Variants in MNAT1 observed in about 807,000 individuals in gnomAD.
MNAT1 encodes CDK-activating kinase assembly factor MAT1.
A neutral mutation model predicts 42.0 loss-of-function variants in MNAT1; 43 were observed. The observed-to-expected ratio is 1.02, with a 90% CI of 0.80 to 1.32. The LOEUF is 1.32. MNAT1 is among the 40% of genes most tolerant of loss of function. MNAT1 has a pLI of 0.00. For synonymous variants in MNAT1, 118 were observed against 120.0 expected (o/e 0.98, Z 0.11); for missense variants, 306 against 350.4 (o/e 0.87, Z 1.01).
At chr14:60,816,417 A>C (rs1246056381) in intron 5 of MNAT1, among the ~76,000 whole-genome samples, 1 of 152,094 alleles carries the variant, frequency 6.6e-6, no homozygotes, top group Non-Finnish European at 1.5e-5. Flanking sequence ...TATGTCTTAA[A>C]TTTTGTATGG....
intron 6 of MNAT1, among the ~76,000 whole-genome samples, chr14:60,874,385 C>T (rs925736484): frequency 1.3e-5 from 2 of 152,148 alleles, no homozygotes; most frequent in African/African-American, 2.4e-5. Context: ...CTGGTAATAT[C>T]GCTGTCCTCC....
chr14:60,811,428 G>A (rs556880854), intron 4 of MNAT1, among the ~76,000 whole-genome samples: 4 of 150,088 alleles, frequency 2.7e-5, no homozygotes, highest in South Asian at 2.1e-4. Flanking sequence ...TCAGCCTCCC[G>A]AGTAGCTGGG....
chr14:60,963,060 C>T (rs528793540), intron 7 of MNAT1, among the ~76,000 whole-genome samples: 14 of 152,080 alleles, frequency 9.2e-5, no homozygotes, highest in Non-Finnish European at 1.5e-4. Flanking sequence ...TGGCTCGCTG[C>T]GACCTCCACC....
intron 1 of MNAT1, among the ~76,000 whole-genome samples, chr14:60,767,573 G>T (rs1566757799): frequency 6.7e-6 from 1 of 148,560 alleles, no homozygotes; most frequent in African/African-American, 2.5e-5. Flanking sequence ...GAACAGTTCA[G>T]TTTTTTTTTT....
At chr14:60,929,162 A>T (rs1287592128) in intron 7 of MNAT1, among the ~76,000 whole-genome samples, 123 of 127,900 alleles carry the variant, frequency 9.6e-4, no homozygotes, top group African/African-American at 2.4e-3. Flanking sequence ...AAAAAAAAAA[A>T]AAAAAAAAAT....
At chr14:60,900,663 A>G (rs1397063550) in intron 7 of MNAT1, among the ~76,000 whole-genome samples, 1 of 152,180 alleles carries the variant, frequency 6.6e-6, no homozygotes, top group Non-Finnish European at 1.5e-5. Flanking sequence ...AGATTTTTCA[A>G]TGTAGATGAA....
rs536195548 is a variant in MNAT1 at position 60,784,093 on chromosome 14, G to A, written c.90-12124G>A. Among the ~76,000 whole-genome samples the A allele has an allele frequency of 1.3e-4, 20 of 149,544 alleles. No homozygotes were observed. In the South Asian group the frequency reaches 3.6e-3, roughly 27 times the overall value. ...ACAATCTCGGCTCACTGCAACCTCC[G>A]CCTCCGCCTCCTGGGTTCAAGCCGT... On this transcript the variant is annotated intron_variant, in intron 1 of 7. Coordinates refer to ENST00000261245, the MANE Select transcript of MNAT1 (RefSeq NM_002431.4).
At chr14:60,837,479 C>T (rs1033633052) in intron 6 of MNAT1, among the ~76,000 whole-genome samples, 5 of 152,170 alleles carry the variant, frequency 3.3e-5, no homozygotes, top group African/African-American at 1.2e-4. Flanking sequence ...GAAGGGAGTT[C>T]CCTGACCCCA....
chr14:60,822,295 A>G (rs558431493), intron 6 of MNAT1, among the ~76,000 whole-genome samples: 13 of 152,246 alleles, frequency 8.5e-5, no homozygotes, highest in Non-Finnish European at 1.6e-4. Flanking sequence ...TTTGAAGATC[A>G]CTGATTAATA....
At chr14:60,759,155 T>A (rs929489421) in intron 1 of MNAT1, among the ~76,000 whole-genome samples, 20 of 152,306 alleles carry the variant, frequency 1.3e-4, no homozygotes, top group Non-Finnish European at 2.4e-4. Flanking sequence ...CTGGGTAACA[T>A]TTAGTATGAA....
At chr14:60,914,088 A>G (rs372479574) in intron 7 of MNAT1, among the ~76,000 whole-genome samples, 40 of 152,300 alleles carry the variant, frequency 2.6e-4, no homozygotes, top group African/African-American at 8.7e-4. Context: ...TGTGCTAGCA[A>G]TGAGCTAGGC....
At chr14:60,833,810 T>C (rs756109949) in intron 6 of MNAT1, among the ~76,000 whole-genome samples, 1 of 152,096 alleles carries the variant, frequency 6.6e-6, no homozygotes, top group Non-Finnish European at 1.5e-5. Context: ...GTTCCTGGGC[T>C]TTTTTTGGTT....
chr14:60,903,865 G>GTTTTTTT (rs35825181), intron 7 of MNAT1, among the ~76,000 whole-genome samples: 14 of 115,716 alleles, frequency 1.2e-4, no homozygotes, highest in South Asian at 2.8e-4. Flanking sequence ...ACCCATGTAA[G>GTTTTTTT]TTTTTTTTTT....
At chr14:60,742,781 T>C (rs1737678042) in intron 1 of MNAT1, among the ~76,000 whole-genome samples, 1 of 152,230 alleles carries the variant, frequency 6.6e-6, no homozygotes, top group South Asian at 2.1e-4. Context: ...TTCTTTTACA[T>C]AGTGTAATAT....
intron 1 of MNAT1, among the ~76,000 whole-genome samples, chr14:60,742,684 GTTATCTAC>G (rs1896509270): frequency 1.3e-5 from 2 of 152,076 alleles, no homozygotes; most frequent in Non-Finnish European, 2.9e-5. Flanking sequence ...TAGGCAACCA[GTTATCTAC>G]TTTCTGACTA....
intron 1 of MNAT1, among the ~76,000 whole-genome samples, 157 bp downstream of exon 1, chr14:60,735,108 CTG>C (rs1302613473): frequency 6.6e-6 from 1 of 152,240 alleles, no homozygotes; most frequent in South Asian, 2.1e-4. Flanking sequence ...TTTAAATAGA[CTG>C]TAGCCGCTAG....
chr14:60,759,853 G>T (rs564378442), intron 1 of MNAT1, among the ~76,000 whole-genome samples: 1 of 152,144 alleles, frequency 6.6e-6, no homozygotes. Flanking sequence ...CTAGCCTTAG[G>T]TCAAATATTT....
intron 3 of MNAT1, among the ~76,000 whole-genome samples, chr14:60,803,262 A>G (rs2032267818): frequency 6.6e-6 from 1 of 152,170 alleles, no homozygotes; most frequent in Non-Finnish European, 1.5e-5. Context: ...TCTTGTTTCA[A>G]TAGCTTTCTA....
At chr14:60,888,396 AAC>A (rs1379854861) in intron 7 of MNAT1, among the ~76,000 whole-genome samples, 3 of 152,108 alleles carry the variant, frequency 2.0e-5, no homozygotes, top group Non-Finnish European at 4.4e-5. Context: ...AAAATTCAAC[AAC>A]GCTTCATGCT....
Sources: allele counts gnomAD v4.1 joint callset (sites outside exome capture counted in the v4.1 genomes callset), GRCh38; gene constraint gnomAD v4.1.1; transcripts MANE v1.5; gene names NCBI Gene and HGNC (gene_info 2026-07-23, HGNC 2026-07-21).